LINGO2: variants seen among roughly 807,000 people sequenced by gnomAD.
The protein encoded by LINGO2 is leucine rich repeat and Ig domain containing 2, also known as leucine-rich repeat and immunoglobulin-like domain-containing nogo receptor-interacting protein 2.
LINGO2 carries 14 observed loss-of-function variants against 30.6 expected under a neutral mutation model. That is an observed-to-expected ratio of 0.46 (90% CI 0.30 to 0.72). The LOEUF (loss-of-function observed/expected upper bound fraction) is 0.72, where lower values mean the gene tolerates loss of function less well. Ranked by LOEUF, LINGO2 falls within the 30% of genes least tolerant of loss-of-function variation. The pLI, the probability that LINGO2 is intolerant of heterozygous loss-of-function variation, is 0.07. For missense variants in LINGO2, 729 were observed against 751.7 expected, an observed-to-expected ratio of 0.97 and a Z score of 0.35; for synonymous variants, 317 against 288.5, an observed-to-expected ratio of 1.10 and a Z score of -1.00.
chr9:28,414,250 A>G (rs748825136), intron 2 of LINGO2, among the ~76,000 whole-genome samples: 1 of 152,048 alleles, frequency 6.6e-6, no homozygotes, highest in Non-Finnish European at 1.5e-5. Context: ...ATTTCGTTCC[A>G]CAGTCCATGA....
At chr9:28,525,850 TG>T (rs1821005429) in intron 1 of LINGO2, among the ~76,000 whole-genome samples, 1 of 152,034 alleles carries the variant, frequency 6.6e-6, no homozygotes, top group South Asian at 2.1e-4. Flanking sequence ...GGTCAGGAGA[TG>T]GAGACCATCC....
intron 1 of LINGO2, among the ~76,000 whole-genome samples, chr9:28,647,134 G>C (rs1201838764): frequency 6.6e-6 from 1 of 151,978 alleles, no homozygotes; most frequent in Non-Finnish European, 1.5e-5. Flanking sequence ...TTGATACCTG[G>C]AGAATATGCA....
At chr9:29,063,560 G>A in the LINGO2 span, among the ~76,000 whole-genome samples, 23,468 of 151,742 alleles carry the variant, frequency 0.15, 2,126 homozygotes, top group South Asian at 0.21. Flanking sequence ...CACCATGCCC[G>A]GCGAATATCT....
intron 4 of LINGO2, among the ~76,000 whole-genome samples, chr9:28,207,235 C>T (rs936469256): frequency 6.6e-6 from 1 of 152,000 alleles, no homozygotes; most frequent in Admixed American, 6.6e-5. Context: ...CCCTGAAATT[C>T]AAGTCAAAGA....
At chr9:28,261,010 G>C (rs1181366875) in intron 4 of LINGO2, among the ~76,000 whole-genome samples, 1 of 151,794 alleles carries the variant, frequency 6.6e-6, no homozygotes, top group Non-Finnish European at 1.5e-5. Flanking sequence ...ATACAAGTAG[G>C]ATACATGTAA....
chr9:28,965,689 A>G, the LINGO2 span, among the ~76,000 whole-genome samples: 4 of 152,126 alleles, frequency 2.6e-5, no homozygotes, highest in Middle Eastern at 3.2e-3. Context: ...CTTAAAAATC[A>G]CTTGAGCTCC....
chr9:28,188,423 C>G (rs983809931), intron 4 of LINGO2, among the ~76,000 whole-genome samples: 2 of 152,076 alleles, frequency 1.3e-5, no homozygotes, highest in Non-Finnish European at 2.9e-5. Flanking sequence ...TCTCTTCAAC[C>G]ACCTGCTAAA....
At position 28,036,174 on chromosome 9, in the gene LINGO2, G is replaced by A. The variant is rs576870779; in HGVS notation, c.-86-23769C>T. 3.9e-5 allele frequency among the ~76,000 whole-genome samples: 6 copies of A among 152,252 alleles called. No individual in the cohort carries two copies. In the East Asian group the frequency reaches 1.2e-3, roughly 29 times the overall value. The stretch of plus-strand genomic sequence containing the variant: ...CATCACATATTAAGGACTGTTTTGT[G>A]CTCACCATTTGTAGGTGAAAAGGCA... On this transcript the variant is annotated intron_variant, in intron 4 of 5. Transcript: ENST00000379992.
the LINGO2 span, among the ~76,000 whole-genome samples, chr9:29,046,455 G>A: frequency 1.1e-4 from 17 of 151,992 alleles, no homozygotes; most frequent in Admixed American, 7.9e-4. Flanking sequence ...GCACATCTAC[G>A]ACCATCTGAT....
At chr9:28,108,155 G>C (rs546969662) in intron 4 of LINGO2, among the ~76,000 whole-genome samples, 1 of 152,064 alleles carries the variant, frequency 6.6e-6, no homozygotes, top group Admixed American at 6.6e-5. Context: ...ACTCGATTCC[G>C]AAAGCTCTCT....
At chr9:29,065,339 T>G in the LINGO2 span, among the ~76,000 whole-genome samples, 1 of 152,138 alleles carries the variant, frequency 6.6e-6, no homozygotes, top group Non-Finnish European at 1.5e-5. Flanking sequence ...TCATTGAATC[T>G]TTGCCAGGAC....
the LINGO2 span, among the ~76,000 whole-genome samples, chr9:29,182,437 G>GA: frequency 7.3e-5 from 11 of 151,258 alleles, no homozygotes; most frequent in South Asian, 2.1e-4. Context: ...AGAACTACTA[G>GA]AAAAAAAAAT....
the LINGO2 span, among the ~76,000 whole-genome samples, chr9:29,052,412 T>C: frequency 6.6e-6 from 1 of 152,294 alleles, no homozygotes. Context: ...ACATGTATAA[T>C]GAAGTCACAT....
chr9:28,614,350 A>G (rs919624461), intron 1 of LINGO2, among the ~76,000 whole-genome samples: 2 of 152,146 alleles, frequency 1.3e-5, no homozygotes, highest in Non-Finnish European at 2.9e-5. Flanking sequence ...CATTAGTGAA[A>G]ATAACGAAAA....
At chr9:28,979,765 C>T in the LINGO2 span, among the ~76,000 whole-genome samples, 1 of 152,072 alleles carries the variant, frequency 6.6e-6, no homozygotes, top group South Asian at 2.1e-4. Context: ...TGGATTTGTC[C>T]ATTGAATCGT....
chr9:28,453,084 C>T (rs1017022320), intron 2 of LINGO2, among the ~76,000 whole-genome samples: 5 of 151,828 alleles, frequency 3.3e-5, no homozygotes, highest in African/African-American at 1.2e-4. Context: ...GGAATAAGAA[C>T]TGAAATGGCA....
intron 1 of LINGO2, among the ~76,000 whole-genome samples, chr9:28,494,240 T>A (rs1819496394): frequency 2.0e-5 from 3 of 152,180 alleles, no homozygotes; most frequent in African/African-American, 7.2e-5. Context: ...AATCATACTT[T>A]AAGCACTAGG....
chr9:29,041,598 C>T, the LINGO2 span, among the ~76,000 whole-genome samples: 1 of 151,816 alleles, frequency 6.6e-6, no homozygotes, highest in African/African-American at 2.4e-5. Context: ...AAATGGACAA[C>T]CATAATTAAG....
the LINGO2 span, among the ~76,000 whole-genome samples, chr9:28,898,858 C>T: frequency 5.7e-3 from 870 of 152,180 alleles, 12 homozygotes; most frequent in African/African-American, 0.02. Context: ...ATCTGTACCT[C>T]AAACCCCCAT....
Sources: gnomAD v4.1 joint callset for allele counts (sites outside exome capture counted in the v4.1 genomes callset) on GRCh38, gnomAD v4.1.1 for gene constraint, MANE v1.5 for transcripts, NCBI Gene and HGNC (gene_info 2026-07-23, HGNC 2026-07-21) for gene names.